Variants in CGRRF1 observed in about 807,000 individuals in gnomAD.
The protein encoded by CGRRF1 is cell growth regulator with ring finger domain 1.
Under a neutral mutation model 37.2 loss-of-function variants are expected in CGRRF1, and 32 were observed. The observed-to-expected ratio is 0.86, with a 90% CI of 0.65 to 1.16. The LOEUF (loss-of-function observed/expected upper bound fraction) is 1.16. Ranked by LOEUF, CGRRF1 falls within the 50% of genes most tolerant of loss-of-function variation. The probability of loss-of-function intolerance (pLI) is 0.00; values close to 1 mark genes in which losing one functional copy is unlikely to be tolerated. For synonymous variants in CGRRF1, 141 were observed against 140.3 expected, an observed-to-expected ratio of 1.00 and a Z score of -0.04; for missense variants, 391 against 382.6, an observed-to-expected ratio of 1.02 and a Z score of -0.18.
At chr14:54,537,618 T>G in intron 4 of CGRRF1, 104 bp from the exon 5 acceptor site, 1 of 1,173,080 alleles carries the variant, frequency 8.5e-7, no homozygotes, top group Non-Finnish European at 1.1e-6. Context: ...TTCTTTTTTT[T>G]TGGCAGAAGA....
intron 1 of CGRRF1, among the ~76,000 whole-genome samples, chr14:54,520,724 T>C (rs1350573717): frequency 6.6e-6 from 1 of 152,256 alleles, no homozygotes; most frequent in Admixed American, 6.5e-5. Context: ...CATTTGATTG[T>C]AGTAATAAGT....
intron 1 of CGRRF1, among the ~76,000 whole-genome samples, chr14:54,510,455 C>T (rs1317742205): frequency 6.6e-6 from 1 of 152,202 alleles, no homozygotes; most frequent in Non-Finnish European, 1.5e-5. Flanking sequence ...GTCACCTGTG[C>T]TACAGTGCAC....
intron 1 of CGRRF1, among the ~76,000 whole-genome samples, chr14:54,518,067 T>G (rs2032246588): frequency 6.6e-6 from 1 of 152,210 alleles, no homozygotes; most frequent in Admixed American, 6.5e-5. Flanking sequence ...CTATTGTGAC[T>G]AGTGCTGAAA....
intron 1 of CGRRF1, among the ~76,000 whole-genome samples, chr14:54,518,024 C>T (rs906743683): frequency 1.3e-5 from 2 of 152,160 alleles, no homozygotes; most frequent in Admixed American, 6.6e-5. Flanking sequence ...CAGTCTATCA[C>T]TAATGGGCAT....
intron 4 of CGRRF1, chr14:54,536,429 A>G (rs971664678): frequency 2.6e-5 from 4 of 152,140 alleles, no homozygotes; most frequent in African/African-American, 9.7e-5. Flanking sequence ...ATATTGTTGG[A>G]ATTGTATGGT....
intron 2 of CGRRF1, among the ~76,000 whole-genome samples, chr14:54,528,241 C>T (rs2032447257): frequency 7.4e-6 from 1 of 134,342 alleles, no homozygotes. Flanking sequence ...GAGACAGAGT[C>T]TCACTGTGTC....
chr14:54,538,153 G>T lies in CGRRF1; in HGVS notation c.769G>T (p.Val257Leu), dbSNP rs1343028818. 9 of 1,614,026 alleles carry T rather than the reference G, an allele frequency of 5.6e-6. No homozygotes were observed. The African/African-American group carries it at 1.1e-4, about 19-fold the overall frequency. ...CACAGACAGAAGTTTGTTGGAAAAGGTGGGACTCTCTGAAAGTGAAGTTGA... is the reference window on the plus strand; with the variant it reads ...CACAGACAGAAGTTTGTTGGAAAAGTTGGGACTCTCTGAAAGTGAAGTTGA... Reference protein sequence around the residue: ...KNTDRSLLEKVGLSESEVEPS... With the variant: ...KNTDRSLLEKLGLSESEVEPS... The change falls in exon 6 of 6, where the codon GTG (valine) becomes TTG (leucine). Residue 257 changes from valine (V) to leucine (L), a missense_variant. Transcript: ENST00000216420.
chr14:54,526,643 T>G (rs1468231690), intron 2 of CGRRF1, among the ~76,000 whole-genome samples: 1 of 152,186 alleles, frequency 6.6e-6, no homozygotes, highest in East Asian at 1.9e-4. Flanking sequence ...AGATACTCAG[T>G]GTATATAAGT....
Position 54,538,839 on chromosome 14 carries a change from A to G in CGRRF1, c.*456A>G, listed in dbSNP as rs968239109. ...AAGGAGTTGGAATGAGCTTCTTTAG[A>G]TCTTTTCCTGAAATAACAGCTTTTA... On this transcript the variant is annotated 3_prime_UTR_variant, in exon 6 of 6. Transcript: ENST00000216420. The G allele has an allele frequency of 1.9e-5, 3 of 153,990 alleles. No individual in the cohort carries two copies. Among genetic ancestry groups the G allele is most frequent in the African/African-American group, 7.2e-5 (3 of 41,454 alleles). The allele number at this position is 153,990 out of a possible 1,614,324, so 9.5% of individuals were successfully genotyped here. A position where few individuals can be genotyped will look rare whatever the true frequency, so the allele number is the denominator to read the frequency against.
rs371462288 is a variant in CGRRF1, at chr14:54,530,236, C to A, written c.422+10C>A. 8 of 1,579,324 alleles carry A rather than the reference C, an allele frequency of 5.1e-6. No homozygotes were observed. Among genetic ancestry groups the A allele is most frequent in the Non-Finnish European group, 6.9e-6 (8 of 1,153,160 alleles). On this transcript the variant is annotated intron_variant, in intron 3 of 5. Coordinates refer to ENST00000216420, the MANE Select transcript of CGRRF1 (RefSeq NM_006568.3). ...ATCAGGAACAGTATTTGTATCCTTTCGTCTGATATACCCATTAGCACTGAA... is the reference window on the plus strand; with the variant it reads ...ATCAGGAACAGTATTTGTATCCTTTAGTCTGATATACCCATTAGCACTGAA...
chr14:54,524,660 T>C (rs2140060463), intron 2 of CGRRF1, among the ~76,000 whole-genome samples: 1 of 152,270 alleles, frequency 6.6e-6, no homozygotes, highest in East Asian at 1.9e-4. Flanking sequence ...CACAAAGTGC[T>C]GGGATTACAG....
At chr14:54,516,564 C>T (rs2032220029) in intron 1 of CGRRF1, among the ~76,000 whole-genome samples, 1 of 151,996 alleles carries the variant, frequency 6.6e-6, no homozygotes, top group African/African-American at 2.4e-5. Context: ...GCTACCGTAG[C>T]ATATCTTCTT....
intron 1 of CGRRF1, among the ~76,000 whole-genome samples, chr14:54,517,208 T>G (rs2032231663): frequency 6.6e-6 from 1 of 152,194 alleles, no homozygotes; most frequent in African/African-American, 2.4e-5. Context: ...CTGTTAATGT[T>G]TTTTTATCAG....
At chr14:54,518,391 C>CA (rs1405231960) in intron 1 of CGRRF1, among the ~76,000 whole-genome samples, 3 of 150,456 alleles carry the variant, frequency 2.0e-5, no homozygotes, top group Admixed American at 6.6e-5. Flanking sequence ...ACTAAAAATA[C>CA]AAAAAAAAAT....
intron 1 of CGRRF1, among the ~76,000 whole-genome samples, chr14:54,516,669 C>T (rs1954209): frequency 0.022 from 3,391 of 152,072 alleles, 91 homozygotes; most frequent in East Asian, 0.095. Flanking sequence ...GCTTGGAGCT[C>T]ATTGAGATTC....
At chr14:54,529,833 T>C (rs924780723) in intron 2 of CGRRF1, among the ~76,000 whole-genome samples, 4 of 152,216 alleles carry the variant, frequency 2.6e-5, no homozygotes, top group African/African-American at 9.6e-5. Flanking sequence ...AAATAGTTTT[T>C]TGATAGCTCT....
At chr14:54,526,589 G>A (rs537314537) in intron 2 of CGRRF1, among the ~76,000 whole-genome samples, 8 of 152,054 alleles carry the variant, frequency 5.3e-5, no homozygotes, top group African/African-American at 1.2e-4. Context: ...TTGGATTTGC[G>A]TTTCCATGTC....
At chr14:54,517,743 A>T (rs2032241777) in intron 1 of CGRRF1, among the ~76,000 whole-genome samples, 1 of 152,130 alleles carries the variant, frequency 6.6e-6, no homozygotes, top group East Asian at 1.9e-4. Context: ...TAAGCCCAGC[A>T]TCCATTAGCT....
intron 1 of CGRRF1, among the ~76,000 whole-genome samples, chr14:54,520,372 A>G (rs1443161768): frequency 1.3e-5 from 2 of 152,060 alleles, no homozygotes; most frequent in African/African-American, 4.8e-5. Flanking sequence ...TGGCCTCATG[A>G]TCCATCCGCC....
Sources: allele counts gnomAD v4.1 joint callset (sites outside exome capture counted in the v4.1 genomes callset), GRCh38; gene constraint gnomAD v4.1.1; transcripts MANE v1.5; gene names NCBI Gene and HGNC (gene_info 2026-07-23, HGNC 2026-07-21).